Variants in FILIP1L observed in about 807,000 individuals in gnomAD.
FILIP1L encodes filamin A interacting protein 1 like.
In FILIP1L, 55 loss-of-function variants were observed where a neutral mutation model predicts 96.6. The observed-to-expected ratio is 0.57, with a 90% CI of 0.46 to 0.71. The LOEUF (loss-of-function observed/expected upper bound fraction) is 0.71, where lower values mean the gene tolerates loss of function less well. FILIP1L is among the 30% of genes least tolerant of loss of function. The pLI is 0.00. For missense variants in FILIP1L, 1,304 were observed against 1,321.2 expected, an observed-to-expected ratio of 0.99 and a Z score of 0.20; for synonymous variants, 467 against 473.9, an observed-to-expected ratio of 0.99 and a Z score of 0.19.
intron 1 of FILIP1L, among the ~76,000 whole-genome samples, chr3:99,992,817 A>C (rs754510086): frequency 6.6e-6 from 1 of 152,040 alleles, no homozygotes; most frequent in Non-Finnish European, 1.5e-5. Flanking sequence ...TTAGATCTTT[A>C]ATCCATCTTG....
At chr3:100,025,194 G>A (rs1451160372) in intron 1 of FILIP1L, among the ~76,000 whole-genome samples, 2 of 152,140 alleles carry the variant, frequency 1.3e-5, no homozygotes, top group Admixed American at 6.5e-5. Context: ...ATTTTCCTAT[G>A]CCTATAGTAG....
intron 3 of FILIP1L, among the ~76,000 whole-genome samples, chr3:99,926,355 A>G (rs980519178): frequency 6.6e-6 from 1 of 152,216 alleles, no homozygotes; most frequent in Non-Finnish European, 1.5e-5. Flanking sequence ...TGAAACTGCT[A>G]TGTTGTATTG....
chr3:99,938,951 A>G (rs1434582603), intron 1 of FILIP1L, among the ~76,000 whole-genome samples: 2 of 152,196 alleles, frequency 1.3e-5, no homozygotes, highest in Admixed American at 1.3e-4. Flanking sequence ...AAGATAACCT[A>G]ATTTAGTAAT....
intron 4 of FILIP1L, among the ~76,000 whole-genome samples, chr3:99,910,048 T>C (rs1204442235): frequency 2.7e-5 from 3 of 109,478 alleles, no homozygotes; most frequent in Non-Finnish European, 6.6e-5. Context: ...AGGGCTTCAG[T>C]GTGGGGTCAG....
At chr3:100,008,441 A>G (rs1328982126) in intron 1 of FILIP1L, among the ~76,000 whole-genome samples, 1 of 152,198 alleles carries the variant, frequency 6.6e-6, no homozygotes, top group Non-Finnish European at 1.5e-5. Flanking sequence ...AAGTGTTACC[A>G]TGTGTTTGCT....
chr3:99,902,624 A>G (rs1706473528), intron 4 of FILIP1L, among the ~76,000 whole-genome samples: 1 of 152,362 alleles, frequency 6.6e-6, no homozygotes, highest in Non-Finnish European at 1.5e-5. Flanking sequence ...CATTGTTACC[A>G]GTAGACACTG....
intron 1 of FILIP1L, among the ~76,000 whole-genome samples, chr3:100,064,440 ACAGTGTTCGTGTTTGC>A (rs1037261600): frequency 1.1e-4 from 16 of 152,104 alleles, no homozygotes; most frequent in Non-Finnish European, 1.9e-4. Flanking sequence ...TCAATGTGCA[ACAGTGTTCGTGTTTGC>A]CAGCCCCTTA....
Position 99,917,187 on chromosome 3 carries a change from T to G in FILIP1L, c.605+7043A>C, listed in dbSNP as rs551669200. On this transcript the variant is annotated intron_variant, in intron 4 of 5. Coordinates refer to ENST00000477258, the MANE Select transcript of FILIP1L (RefSeq NM_001387850.1). The stretch of plus-strand genomic sequence containing the variant: ...TATGTCCTGCATTCTCCTAGGGCTG[T>G]GCTGGCTGTTGGATAATTACTGTGT... Among the ~76,000 whole-genome samples, 10 of 152,324 alleles carry G rather than the reference T, an allele frequency of 6.6e-5. No homozygotes were observed. In the South Asian group the frequency reaches 1.9e-3, roughly 28 times the overall value.
At chr3:99,858,269 TC>T (rs1290316991) in intron 4 of FILIP1L, among the ~76,000 whole-genome samples, 2 of 152,038 alleles carry the variant, frequency 1.3e-5, no homozygotes. Context: ...ATCGAGACCA[TC>T]CTGGCTAACA....
At chr3:100,032,631 A>G (rs2065039431) in intron 1 of FILIP1L, among the ~76,000 whole-genome samples, 1 of 152,212 alleles carries the variant, frequency 6.6e-6, no homozygotes, top group Non-Finnish European at 1.5e-5. Flanking sequence ...TAAAGGCTAT[A>G]TTGACGAACT....
intron 1 of FILIP1L, among the ~76,000 whole-genome samples, chr3:99,985,818 A>G (rs926444309): frequency 1.3e-5 from 2 of 151,928 alleles, no homozygotes; most frequent in Non-Finnish European, 2.9e-5. Flanking sequence ...CGAACTCCTG[A>G]CCTCAGGTGA....
intron 4 of FILIP1L, among the ~76,000 whole-genome samples, chr3:99,881,707 AT>A (rs1705735101): frequency 6.6e-6 from 1 of 151,964 alleles, no homozygotes; most frequent in African/African-American, 2.4e-5. Flanking sequence ...TAATTTTTGT[AT>A]TTTTAGTAAA....
At chr3:100,068,372 GTGT>G (rs2065702863) in intron 1 of FILIP1L, among the ~76,000 whole-genome samples, 1 of 152,076 alleles carries the variant, frequency 6.6e-6, no homozygotes, top group Non-Finnish European at 1.5e-5. Flanking sequence ...GTGTGTGTGT[GTGT>G]GTGTGTGTCA....
intron 1 of FILIP1L, among the ~76,000 whole-genome samples, chr3:100,003,078 ATACT>A (rs1709888840): frequency 6.6e-6 from 1 of 152,164 alleles, no homozygotes; most frequent in Non-Finnish European, 1.5e-5. Context: ...TGTGACTCAC[ATACT>A]GAGGTACTGC....
intron 1 of FILIP1L, among the ~76,000 whole-genome samples, chr3:99,983,458 ATGTGTG>A (rs71132503): frequency 0.014 from 219 of 16,148 alleles, 3 homozygotes; most frequent in African/African-American, 0.057. Context: ...ATATATATAT[ATGTGTG>A]TATATATATA....
intron 1 of FILIP1L, among the ~76,000 whole-genome samples, chr3:100,079,207 G>A (rs1171778850): frequency 3.3e-5 from 5 of 152,138 alleles, no homozygotes; most frequent in Non-Finnish European, 5.9e-5. Context: ...GGTGAGAGTC[G>A]CCAGGCCATT....
chr3:100,085,902 T>C (rs1251766317), intron 1 of FILIP1L, among the ~76,000 whole-genome samples: 5 of 152,268 alleles, frequency 3.3e-5, no homozygotes, highest in Admixed American at 3.3e-4. Flanking sequence ...TGCATTTTAA[T>C]GGATAACTTA....
intron 1 of FILIP1L, chr3:100,041,385 C>T (rs2065202822): frequency 6.6e-6 from 1 of 152,106 alleles, no homozygotes; most frequent in African/African-American, 2.4e-5. Flanking sequence ...TAAATATTTA[C>T]CTTCCACATG....
At chr3:100,098,747 T>C (rs1374307626) in intron 1 of FILIP1L, among the ~76,000 whole-genome samples, 1 of 152,208 alleles carries the variant, frequency 6.6e-6, no homozygotes, top group African/African-American at 2.4e-5. Flanking sequence ...AGGTGGAAAC[T>C]CACCATGAAA....
Sources: gnomAD v4.1 joint callset for allele counts (sites outside exome capture counted in the v4.1 genomes callset) on GRCh38, gnomAD v4.1.1 for gene constraint, MANE v1.5 for transcripts, NCBI Gene and HGNC (gene_info 2026-07-23, HGNC 2026-07-21) for gene names.